The following DYNLRB1 variants were observed in gnomAD, a reference collection of about 807,000 sequenced individuals.
DYNLRB1 encodes dynein light chain roadblock-type 1, also known as ROBL/LC7-like 1.
A neutral mutation model predicts 13.5 loss-of-function variants in DYNLRB1; 6 were observed. The observed-to-expected ratio is 0.44, with a 90% CI of 0.24 to 0.88. The LOEUF (loss-of-function observed/expected upper bound fraction) is 0.88. Ranked by LOEUF, DYNLRB1 falls within the 40% of genes least tolerant of loss-of-function variation. DYNLRB1 has a pLI of 0.21. For missense variants in DYNLRB1, 93 were observed against 127.2 expected, an observed-to-expected ratio of 0.73 and a Z score of 1.29; for synonymous variants, 43 against 45.0, an observed-to-expected ratio of 0.96 and a Z score of 0.18.
intron 1 of DYNLRB1, among the ~76,000 whole-genome samples, chr20:34,521,769 G>A (rs1046213397): frequency 2.6e-5 from 4 of 152,154 alleles, no homozygotes; most frequent in African/African-American, 4.8e-5. Context: ...ACTTATGGCC[G>A]AGAATGGTGG....
At chr20:34,536,056 C>T in intron 3 of DYNLRB1, 1 of 985,362 alleles carries the variant, frequency 1.0e-6, no homozygotes, top group Non-Finnish European at 1.2e-6. Context: ...CACAGCAGCC[C>T]ACAGGCTCCC....
At chr20:34,535,720 G>T in intron 3 of DYNLRB1, 4 of 985,414 alleles carry the variant, frequency 4.1e-6, no homozygotes, top group Non-Finnish European at 4.8e-6. Flanking sequence ...AGGGCATCAG[G>T]ATGTGAGTGG....
chr20:34,526,288 G>T lies in DYNLRB1; in HGVS notation c.24G>T (p.Leu8=), dbSNP rs1453109013. The T allele has an allele frequency of 6.2e-7, 1 of 1,613,924 alleles. No homozygotes were observed. The highest frequency in any genetic ancestry group is 1.1e-5 in the South Asian group (1 of 91,086). Residue 8 remains leucine (L), a synonymous_variant, in exon 2 of 4, where the codon CTG becomes CTT. Coordinates refer to ENST00000357156, the MANE Select transcript of DYNLRB1 (RefSeq NM_014183.4). ...GGCAGGCAGAGGTGGAGGAGACACT[G>T]AAGCGACTGCAGAGCCAGAAGGGAG... MAEVEET[L]KRLQSQKGVQ... is the part of the protein sequence containing the mutation.
At chr20:34,529,593 G>A (rs1324463901) in intron 2 of DYNLRB1, among the ~76,000 whole-genome samples, 1 of 152,064 alleles carries the variant, frequency 6.6e-6, no homozygotes, top group Non-Finnish European at 1.5e-5. Context: ...GCCTGGTGTG[G>A]TGGCGGGCAC....
At chr20:34,526,507 T>TTTTTTTTTA (rs10684716) in intron 2 of DYNLRB1, 164 bp downstream of exon 2, 1 of 633,968 alleles carries the variant, frequency 1.6e-6, no homozygotes. Flanking sequence ...TTTTTTTTTT[T>TTTTTTTTTA]CATTAAGGCT....
At chr20:34,518,095 T>C (rs1391933060) in intron 1 of DYNLRB1, among the ~76,000 whole-genome samples, 2 of 150,008 alleles carry the variant, frequency 1.3e-5, no homozygotes, top group Non-Finnish European at 2.9e-5. Flanking sequence ...TGCTGATTTA[T>C]GGTAGGTTTT....
intron 1 of DYNLRB1, among the ~76,000 whole-genome samples, chr20:34,519,018 G>T (rs1030982601): frequency 1.3e-5 from 2 of 151,954 alleles, no homozygotes; most frequent in Admixed American, 1.3e-4. Flanking sequence ...TCAGCCTCCG[G>T]AGTAGCTGGG....
At chr20:34,523,448 C>G (rs1340961899) in intron 1 of DYNLRB1, among the ~76,000 whole-genome samples, 1 of 152,198 alleles carries the variant, frequency 6.6e-6, no homozygotes, top group Non-Finnish European at 1.5e-5. Flanking sequence ...ATCCCAGCTG[C>G]TGTCCCTCCC....
At chr20:34,535,120 C>A in intron 3 of DYNLRB1, 1 of 984,790 alleles carries the variant, frequency 1.0e-6, no homozygotes, top group Non-Finnish European at 1.2e-6. Context: ...CTGTCTGGGG[C>A]TGTCTGCAAA....
chr20:34,515,947 T>C (rs1265709781), upstream of DYNLRB1, among the ~76,000 whole-genome samples: 5 of 152,122 alleles, frequency 3.3e-5, no homozygotes, highest in African/African-American at 1.2e-4. Context: ...CAGGCTGGGG[T>C]GCAGTGGCGC....
intron 1 of DYNLRB1, among the ~76,000 whole-genome samples, chr20:34,519,954 T>G (rs1047466627): frequency 6.6e-6 from 1 of 152,004 alleles, no homozygotes; most frequent in Non-Finnish European, 1.5e-5. Flanking sequence ...GGCAACATGG[T>G]GAAACTCTGT....
At chr20:34,516,765 T>G (rs1419041703) in intron 1 of DYNLRB1, 1 of 1,549,948 alleles carries the variant, frequency 6.5e-7, no homozygotes. Flanking sequence ...TTTTGGGGCC[T>G]TGGTGCGCGA....
chr20:34,523,410 T>A (rs1221603596), intron 1 of DYNLRB1, among the ~76,000 whole-genome samples: 1 of 152,214 alleles, frequency 6.6e-6, no homozygotes, highest in Non-Finnish European at 1.5e-5. Flanking sequence ...ACACTTGATC[T>A]GCCAGGCCGT....
intron 1 of DYNLRB1, among the ~76,000 whole-genome samples, chr20:34,520,054 G>A (rs529353237): frequency 2.0e-5 from 3 of 152,276 alleles, no homozygotes; most frequent in Admixed American, 1.3e-4. Context: ...GCTTGAACCC[G>A]GGAGGCGGGG....
At chr20:34,532,883 C>T (rs1980819737) in intron 2 of DYNLRB1, among the ~76,000 whole-genome samples, 1 of 152,220 alleles carries the variant, frequency 6.6e-6, no homozygotes, top group African/African-American at 2.4e-5. Flanking sequence ...AGCCAGTCGG[C>T]CTGATAACTG....
chr20:34,534,889 G>A, intron 3 of DYNLRB1, 94 bp downstream of exon 3: 1 of 1,593,480 alleles, frequency 6.3e-7, no homozygotes, highest in South Asian at 1.1e-5. Context: ...GTCTCCAGAG[G>A]ATCCAAGCAG....
chr20:34,532,562 C>T (rs1056523516), intron 2 of DYNLRB1, among the ~76,000 whole-genome samples: 7 of 152,170 alleles, frequency 4.6e-5, no homozygotes, highest in African/African-American at 1.4e-4. Flanking sequence ...ACCCCATCGC[C>T]GCCCCATCGT....
upstream of DYNLRB1, among the ~76,000 whole-genome samples, chr20:34,515,688 G>C (rs907181291): frequency 2.6e-5 from 4 of 152,150 alleles, no homozygotes; most frequent in Admixed American, 2.6e-4. Flanking sequence ...CGATCCCGAA[G>C]CGCATTTTGG....
intron 2 of DYNLRB1, chr20:34,526,575 G>C (rs1340136261): frequency 9.7e-6 from 5 of 517,014 alleles, no homozygotes; most frequent in Non-Finnish European, 1.4e-5. Context: ...CTGGTTGTGA[G>C]CAATTAGTTG....
Sources: gnomAD v4.1 joint callset for allele counts (sites outside exome capture counted in the v4.1 genomes callset) on GRCh38, gnomAD v4.1.1 for gene constraint, MANE v1.5 for transcripts, NCBI Gene and HGNC (gene_info 2026-07-23, HGNC 2026-07-21) for gene names.